The following C13orf46 variants were observed in gnomAD, a reference collection of about 807,000 sequenced individuals.
C13orf46 encodes chromosome 13 open reading frame 46.
chr13:113,966,067 ATGG>A (rs1400863682), intron 5 of C13orf46, among the ~76,000 whole-genome samples: 18,402 of 145,848 alleles, frequency 0.13, 1,502 homozygotes, highest in Middle Eastern at 0.23. Flanking sequence ...GATGGGAATG[ATGG>A]TGGTGATGTG....
chr13:113,934,683 C>T, the C13orf46 span, among the ~76,000 whole-genome samples: 1 of 152,272 alleles, frequency 6.6e-6, no homozygotes, highest in Non-Finnish European at 1.5e-5. Flanking sequence ...TGGTGATCCT[C>T]ACCACGCCAT....
At chr13:113,937,804 C>T in the C13orf46 span, among the ~76,000 whole-genome samples, 11 of 152,096 alleles carry the variant, frequency 7.2e-5, no homozygotes, top group East Asian at 1.9e-4. Flanking sequence ...TAGCCTTTTA[C>T]GGAATGCACA....
Position 113,954,829 on chromosome 13 carries a change from GATGAGGAGCATCCGGTGGAGAT to G in C13orf46, c.*1922_*1943del. On this transcript the variant is annotated 3_prime_UTR_variant, in exon 7 of 7. Transcript: ENST00000636427. Reference sequence around the variant, plus strand: ...GTGGAGACGAGGAGCATCCGGTGGAGATGAGGAGCATCCGGTGGAGATGAGGAGCATCTCGTGGGGAGGAGGA... The same window carrying G: ...GTGGAGACGAGGAGCATCCGGTGGAGGAGGAGCATCTCGTGGGGAGGAGGA... 1.0e-5 allele frequency: 1 copy of G among 99,578 alleles called. No individual in the cohort carries two copies. The highest frequency in any genetic ancestry group is 1.4e-4 in the South Asian group (1 of 7,362). 6.2% of individuals were successfully genotyped at this position (99,578 alleles called of 1,614,324 possible). A position where few individuals can be genotyped will look rare whatever the true frequency, so the allele number is the denominator to read the frequency against.
chr13:113,927,714 G>A, the C13orf46 span: 2 of 398,140 alleles, frequency 5.0e-6, no homozygotes, highest in Non-Finnish European at 8.9e-6. Context: ...GAATTCACCA[G>A]CGTTTCCAGC....
rs2052516593 is a variant in C13orf46, at chr13:113,955,309, A to AGAGGAGTAGTAGTATCTGGTGGAGAG, written c.*1463_*1464insCTCTCCACCAGATACTACTACTCCTC. 9.0e-6 allele frequency: 1 copy of AGAGGAGTAGTAGTATCTGGTGGAGAG among 111,578 alleles called. No homozygotes were observed. The highest frequency in any genetic ancestry group is 3.7e-5 in the African/African-American group (1 of 26,814). 6.9% of individuals were successfully genotyped at this position (111,578 alleles called of 1,614,324 possible). ...GGCGGAGAGGAGTAGTATCTGGCAG[A>AGAGGAGTAGTAGTATCTGGTGGAGAG]GAGGAGTAGTATCTGGTGGAGAGGA... On this transcript the variant is annotated 3_prime_UTR_variant, in exon 7 of 7. Coordinates refer to ENST00000636427, the MANE Select transcript of C13orf46 (RefSeq NM_001365455.2).
chr13:113,954,815 G>T lies in C13orf46; in HGVS notation c.*1958C>A. The T allele has an allele frequency of 5.3e-6, 1 of 187,790 alleles. No individual in the cohort carries two copies. Among genetic ancestry groups the T allele is most frequent in the Non-Finnish European group, 1.1e-5 (1 of 92,126 alleles). 11.6% of individuals were successfully genotyped at this position (187,790 alleles called of 1,614,324 possible). A position where few individuals can be genotyped will look rare whatever the true frequency, so the allele number is the denominator to read the frequency against. On this transcript the variant is annotated 3_prime_UTR_variant, in exon 7 of 7. Transcript: ENST00000636427. ...ACGAGGAGCAGCTGGTGGAGACGAG[G>T]AGCATCCGGTGGAGATGAGGAGCAT...
At chr13:113,960,342 A>G (rs1159335205) in intron 6 of C13orf46, among the ~76,000 whole-genome samples, 11 of 152,214 alleles carry the variant, frequency 7.2e-5, no homozygotes, top group Admixed American at 7.2e-4. Context: ...GTTTCCTTAA[A>G]GTACTGGTTT....
the C13orf46 span, among the ~76,000 whole-genome samples, chr13:113,932,797 C>A: frequency 1.4e-5 from 2 of 144,526 alleles, no homozygotes; most frequent in East Asian, 3.9e-4. Flanking sequence ...TAAAAGTCAC[C>A]ATGATTTTAT....
At chr13:113,958,763 T>C (rs1256022543) in intron 6 of C13orf46, among the ~76,000 whole-genome samples, 1 of 152,188 alleles carries the variant, frequency 6.6e-6, no homozygotes, top group Non-Finnish European at 1.5e-5. Context: ...AAGGGACTCC[T>C]AGCGGACTGC....
intron 4 of C13orf46, among the ~76,000 whole-genome samples, chr13:113,968,136 G>A (rs1172472231): frequency 6.6e-6 from 1 of 152,210 alleles, no homozygotes; most frequent in Admixed American, 6.5e-5. Context: ...ACAGCATGAC[G>A]TGTCCCTGGA....
At chr13:113,945,589 G>C in the C13orf46 span, among the ~76,000 whole-genome samples, 1 of 132,326 alleles carries the variant, frequency 7.6e-6, no homozygotes, top group African/African-American at 2.9e-5. Context: ...GAGAGAGAGA[G>C]AGAGAAAGAA....
chr13:113,950,122 C>T (rs1203750976), downstream of C13orf46, among the ~76,000 whole-genome samples: 100 of 83,594 alleles, frequency 1.2e-3, no homozygotes, highest in African/African-American at 4.5e-3. Flanking sequence ...TCAGAGACCT[C>T]GGTGCTCCCA....
intron 5 of C13orf46, among the ~76,000 whole-genome samples, chr13:113,965,572 A>G (rs1350885449): frequency 6.6e-6 from 1 of 150,520 alleles, no homozygotes; most frequent in Non-Finnish European, 1.5e-5. Flanking sequence ...GATGGTGATG[A>G]TGATGATTAT....
Position 113,954,326 on chromosome 13 carries a change from G to T in C13orf46, c.*2447C>A, listed in dbSNP as rs1424635188. 1 of 152,316 alleles carries T rather than the reference G, an allele frequency of 6.6e-6. No homozygotes were observed. Among genetic ancestry groups the T allele is most frequent in the Non-Finnish European group, 1.5e-5 (1 of 68,074 alleles). 9.4% of individuals were successfully genotyped at this position (152,316 alleles called of 1,614,324 possible). On this transcript the variant is annotated 3_prime_UTR_variant, in exon 7 of 7. Coordinates refer to ENST00000636427, the MANE Select transcript of C13orf46 (RefSeq NM_001365455.2). ...GCACATGTGTGGTATGTACGAGCATGTATGTGCTGTGTACATATGAATATG... is the reference window on the plus strand; with the variant it reads ...GCACATGTGTGGTATGTACGAGCATTTATGTGCTGTGTACATATGAATATG...
chr13:113,944,291 C>T, the C13orf46 span, among the ~76,000 whole-genome samples: 1 of 152,154 alleles, frequency 6.6e-6, no homozygotes, highest in African/African-American at 2.4e-5. Context: ...ACTGCCGGGA[C>T]CCCCTCCAGT....
At chr13:113,942,288 C>T in the C13orf46 span, among the ~76,000 whole-genome samples, 1 of 152,214 alleles carries the variant, frequency 6.6e-6, no homozygotes, top group African/African-American at 2.4e-5. Context: ...GCAGGAGAAC[C>T]TCGATGGATA....
At chr13:113,972,003 C>T (rs1430954657) in intron 1 of C13orf46, among the ~76,000 whole-genome samples, 1 of 152,126 alleles carries the variant, frequency 6.6e-6, no homozygotes, top group African/African-American at 2.4e-5. Flanking sequence ...ACATCTTTGC[C>T]AGACAGGACA....
rs2052516499 is a variant in C13orf46, at chr13:113,955,307, AGAGAGGAGTAGTATCTGGTG to A, written c.*1446_*1465del. On this transcript the variant is annotated 3_prime_UTR_variant, in exon 7 of 7. Transcript: ENST00000636427. ...CTGGCGGAGAGGAGTAGTATCTGGC[AGAGAGGAGTAGTATCTGGTG>A]GAGAGGAGGAGTAGTATCTGGTGGA... The A allele has an allele frequency of 1.9e-5, 2 of 107,840 alleles. No homozygotes were observed. Among genetic ancestry groups the A allele is most frequent in the Non-Finnish European group, 3.6e-5 (2 of 55,740 alleles). 6.7% of individuals were successfully genotyped at this position (107,840 alleles called of 1,614,324 possible).
At chr13:113,932,013 T>C in the C13orf46 span, among the ~76,000 whole-genome samples, 1 of 152,156 alleles carries the variant, frequency 6.6e-6, no homozygotes, top group African/African-American at 2.4e-5. Context: ...AATTCATTTC[T>C]GTCCTGGGTA....
Sources: allele counts gnomAD v4.1 joint callset (sites outside exome capture counted in the v4.1 genomes callset), GRCh38; gene constraint gnomAD v4.1.1; transcripts MANE v1.5; gene names NCBI Gene and HGNC (gene_info 2026-07-23, HGNC 2026-07-21).